The following RECQL5 variants were observed in gnomAD, a reference collection of about 807,000 sequenced individuals.
RECQL5 encodes ATP-dependent DNA helicase Q5.
RECQL5 carries 88 observed loss-of-function variants against 103.4 expected under a neutral mutation model. The ratio of observed to expected loss-of-function variants is 0.85; its 90% confidence interval spans 0.72 to 1.02. The LOEUF (loss-of-function observed/expected upper bound fraction) is 1.02, where lower values mean the gene tolerates loss of function less well. RECQL5 is among the 50% of genes least tolerant of loss of function. The pLI is 0.00. For missense variants in RECQL5, 1,232 were observed against 1,284.3 expected (o/e 0.96, Z 0.62); for synonymous variants, 552 against 507.9 (o/e 1.09, Z -1.17).
intron 14 of RECQL5, 48 bp from the exon 15 acceptor site, chr17:75,629,890 G>A (rs1598981510): frequency 6.4e-7 from 1 of 1,558,640 alleles, no homozygotes; most frequent in Admixed American, 1.8e-5. Context: ...AGCTCCTCCT[G>A]ACATGCCCCA....
In RECQL5 at chr17:75,662,495, T is replaced by C. The variant is rs758960976; in HGVS notation, c.755A>G (p.Gln252Arg). Residue 252 changes from glutamine (Q) to arginine (R), a missense_variant, in exon 4 of 20, where the codon CAG (glutamine) becomes CGG (arginine). Gln to Arg is a conservative substitution (Grantham distance 43, BLOSUM62 1). Coordinates refer to ENST00000317905, the MANE Select transcript of RECQL5 (RefSeq NM_004259.7). ...ATGCCTCACCCCTTTATCAGCCTCC[T>C]GTCCAAGAGCCTTAAGGCAGAAGTC... ...LKDFCLKALG[Q>R]EADKGLSGCG... The C allele has an allele frequency of 6.2e-7, 1 of 1,613,346 alleles. No individual in the cohort carries two copies. The highest frequency in any genetic ancestry group is 8.5e-7 in the Non-Finnish European group (1 of 1,179,482).
rs1351258717 is a variant in RECQL5 at position 75,640,472 on chromosome 17, G to A, written c.1230-8804C>T. The A allele has an allele frequency of 7.6e-7, 1 of 1,316,124 alleles. No individual in the cohort carries two copies. The highest frequency in any genetic ancestry group is 1.5e-5 in the African/African-American group (1 of 67,118). 81.5% of individuals were successfully genotyped at this position (1,316,124 alleles called of 1,614,324 possible). A position where few individuals can be genotyped will look rare whatever the true frequency, so the allele number is the denominator to read the frequency against. ...CAGTTGTCCCTTGGGGGAAGCCAAG[G>A]GACTTCCCTCATCCTCTGATATGCT... On this transcript the variant is annotated intron_variant, in intron 8 of 19. Coordinates refer to ENST00000317905, the MANE Select transcript of RECQL5 (RefSeq NM_004259.7). The surrounding 1 kb of genome is among the most constrained non-coding windows in gnomAD (Gnocchi z 4.6).
At position 75,629,393 on chromosome 17, in the gene RECQL5, C is replaced by T. The variant is rs766459582; in HGVS notation, c.2030G>A (p.Arg677Gln). ...GGGCTGGGGGGCTTGCTCCCTGATC[C>T]GAGTTGTCTCCATCAGTTCCGTGGC... Reference protein sequence around the residue: ...QTATELMETTRIREQAPQPER... With the variant: ...QTATELMETTQIREQAPQPER... The change falls in exon 16 of 20, where the codon CGG becomes CAG. Residue 677 changes from arginine (R) to glutamine (Q), a missense_variant. Transcript: ENST00000317905. 7.3e-6 allele frequency: 11 copies of T among 1,510,168 alleles called. No homozygotes were observed. The highest frequency in any genetic ancestry group is 2.8e-5 in the African/African-American group (2 of 71,502). 93.5% of individuals were successfully genotyped at this position (1,510,168 alleles called of 1,614,324 possible). A position where few individuals can be genotyped will look rare whatever the true frequency, so the allele number is the denominator to read the frequency against.
rs2059143959 is a variant in RECQL5 at position 75,628,436 on chromosome 17, G to C, written c.2587C>G (p.Pro863Ala). Residue 863 changes from proline (P) to alanine (A), a missense_variant, in exon 18 of 20, where the codon CCA becomes GCA. Pro to Ala is a conservative substitution (Grantham distance 27, BLOSUM62 -1). Coordinates refer to ENST00000317905, the MANE Select transcript of RECQL5 (RefSeq NM_004259.7). ...GGCCTCTTCTGAGGCTGGCTCTCTG[G>C]GTTCTCCTGAGAAGGGCCACAGCAG... ...GKRPRSQQEN[P>A]ESQPQKRPRP... is the part of the protein sequence containing the mutation. 1 of 1,613,346 alleles carries C rather than the reference G, an allele frequency of 6.2e-7. No individual in the cohort carries two copies. The highest frequency in any genetic ancestry group is 2.2e-5 in the East Asian group (1 of 44,884).
At chr17:75,647,312 A>ACCTGGGACAGGG in intron 8 of RECQL5, 1 of 1,434,948 alleles carries the variant, frequency 7.0e-7, no homozygotes, top group Middle Eastern at 2.5e-4. Context: ...AGAGCATAGC[A>ACCTGGGACAGGG]CCTGGGACAG....
chr17:75,631,439 CG>C lies in RECQL5; in HGVS notation c.1448+10del. On this transcript the variant is annotated intron_variant, in intron 9 of 19. Transcript: ENST00000317905. ...CCAGCGGGTTGGAGCCCTGGCTTCTCGGCCCCTTACCTGCTGAAGTCCCCGT... is the reference window on the plus strand; with the variant it reads ...CCAGCGGGTTGGAGCCCTGGCTTCTCGCCCCTTACCTGCTGAAGTCCCCGT... 6.2e-7 allele frequency: 1 copy of C among 1,603,260 alleles called. No individual in the cohort carries two copies.
At chr17:75,638,842 G>A (rs1164481563) in intron 8 of RECQL5, 1 of 152,364 alleles carries the variant, frequency 6.6e-6, no homozygotes, top group Non-Finnish European at 1.5e-5. Context: ...CACTAGAGCA[G>A]GCCCCTGGCA....
chr17:75,630,155 G>T, intron 14 of RECQL5, 29 bp downstream of exon 14: 2 of 1,516,196 alleles, frequency 1.3e-6, no homozygotes, highest in South Asian at 1.3e-5. Context: ...CCCCTGCAAC[G>T]ACCCTGGGTC....
In RECQL5 at chr17:75,666,518, G is replaced by A. The variant is rs1392458321; in HGVS notation, c.40C>T (p.Arg14Trp). Residue 14 changes from arginine to tryptophan, a missense_variant, in exon 2 of 20, where the codon CGG becomes TGG. Coordinates refer to ENST00000317905, the MANE Select transcript of RECQL5 (RefSeq NM_004259.7). ...TTCTTCAGCGTACTCCGGACTCGCC[G>A]CTCAGGGTCAAAAGGAAAGGTGGTA... Reference protein sequence around the residue: ...HHTTFPFDPERRVRSTLKKVF... With the variant: ...HHTTFPFDPEWRVRSTLKKVF... The A allele has an allele frequency of 1.9e-6, 3 of 1,614,102 alleles. No individual in the cohort carries two copies. Among genetic ancestry groups the A allele is most frequent in the Non-Finnish European group, 1.7e-6 (2 of 1,180,020 alleles).
chr17:75,660,821 G>A, intron 6 of RECQL5, 134 bp downstream of exon 6: 1 of 708,984 alleles, frequency 1.4e-6, no homozygotes. Flanking sequence ...TGTATTCTAA[G>A]GACTCTCTCC....
intron 17 of RECQL5, 96 bp from the exon 18 acceptor site, chr17:75,628,538 C>G: frequency 6.5e-7 from 1 of 1,527,362 alleles, no homozygotes; most frequent in South Asian, 1.2e-5. Flanking sequence ...AGCTGCCTCT[C>G]TCCAGCCCAG....
rs2059715435 is a variant in RECQL5 at position 75,662,690 on chromosome 17, G to A, written c.560C>T (p.Pro187Leu). 2 of 1,613,972 alleles carry A rather than the reference G, an allele frequency of 1.2e-6. No homozygotes were observed. Among genetic ancestry groups the A allele is most frequent in the African/African-American group, 2.7e-5 (2 of 74,944 alleles). ...GALRSRLGHA[P>L]CVALTATATP... The stretch of plus-strand genomic sequence containing the variant: ...GGCTGTGGCGGTCAGAGCCACACAA[G>A]GGGCATGTCCCAGGCGGGAGCGCAG... Residue 187 changes from proline to leucine, a missense_variant, in exon 4 of 20, where the codon CCT becomes CTT. Coordinates refer to ENST00000317905, the MANE Select transcript of RECQL5 (RefSeq NM_004259.7).
chr17:75,631,728 C>A, intron 8 of RECQL5, 60 bp from the exon 9 acceptor site: 1 of 1,562,956 alleles, frequency 6.4e-7, no homozygotes, highest in South Asian at 1.1e-5. Context: ...AGCGTCTGTT[C>A]ACCCGAGCCT....
At chr17:75,661,533 T>A in intron 5 of RECQL5, 73 bp downstream of exon 5, 1 of 1,009,022 alleles carries the variant, frequency 9.9e-7, no homozygotes, top group Non-Finnish European at 1.5e-6. Flanking sequence ...ATAACCAGGA[T>A]CTGTAAAGAA....
intron 8 of RECQL5, among the ~76,000 whole-genome samples, chr17:75,648,524 C>T (rs1190721746): frequency 6.6e-6 from 1 of 152,014 alleles, no homozygotes; most frequent in Non-Finnish European, 1.5e-5. Context: ...AGGCTCCCAC[C>T]ACCGTGACCG....
intron 8 of RECQL5, among the ~76,000 whole-genome samples, chr17:75,643,340 G>A (rs1599024272): frequency 1.3e-5 from 2 of 152,260 alleles, no homozygotes; most frequent in East Asian, 3.9e-4. Context: ...GCTGCGGAGA[G>A]GTGGGAACCA....
In RECQL5 at chr17:75,629,486, G is replaced by C; in HGVS notation, c.1948-11C>G. ...CCGCTTGGGTTTGAGCTGTAAATGT[G>C]AGCAGGAGGAGAGGAGGTTCAGCCC... On this transcript the variant is annotated splice_polypyrimidine_tract_variant and intron_variant, in intron 15 of 19. Transcript: ENST00000317905. 6.7e-7 allele frequency: 1 copy of C among 1,501,554 alleles called. No homozygotes were observed. The highest frequency in any genetic ancestry group is 8.9e-7 in the Non-Finnish European group (1 of 1,125,676). The allele number at this position is 1,501,554 out of a possible 1,614,324, so 93.0% of individuals were successfully genotyped here.
Position 75,651,262 on chromosome 17 carries a change from T to C in RECQL5, c.1153A>G (p.Lys385Glu), listed in dbSNP as rs2059551893. Residue 385 changes from lysine (K) to glutamate (E), a missense_variant, in exon 8 of 20, where the codon AAG becomes GAG. Physicochemically the swap from Lys to Glu is moderately conservative, Grantham distance 56. Transcript: ENST00000317905. ...IRKEVAKLQE[K>E]RGNKASDKAT... ...TTATCAGATGCTTTGTTTCCTCTCT[T>C]TTCCTGGGGACAAAAAATGACCACT... 1.9e-6 allele frequency: 3 copies of C among 1,614,158 alleles called. No homozygotes were observed. The highest frequency in any genetic ancestry group is 2.5e-6 in the Non-Finnish European group (3 of 1,180,028).
chr17:75,648,671 CTTTT>C (rs59201126), intron 8 of RECQL5, among the ~76,000 whole-genome samples: 10 of 94,336 alleles, frequency 1.1e-4, no homozygotes, highest in South Asian at 3.8e-4. Context: ...GGCGCCCGGC[CTTTT>C]TTTTTTTTTT....
Sources: allele counts gnomAD v4.1 joint callset (sites outside exome capture counted in the v4.1 genomes callset), GRCh38; gene constraint gnomAD v4.1.1; non-coding constraint Gnocchi (gnomAD v3.1); transcripts MANE v1.5; gene names NCBI Gene and HGNC (gene_info 2026-07-23, HGNC 2026-07-21).